TMEM230: variants seen among roughly 807,000 people sequenced by gnomAD.
TMEM230 encodes the protein transmembrane protein 230.
Under a neutral mutation model 15.8 loss-of-function variants are expected in TMEM230, and 10 were observed. The ratio of observed to expected loss-of-function variants is 0.63; its 90% confidence interval spans 0.39 to 1.07. The LOEUF is 1.07. Among genes scored for constraint, TMEM230 ranks in the 50% least tolerant of loss-of-function variants. TMEM230 has a pLI of 0.01. For synonymous variants in TMEM230, 67 were observed against 76.9 expected (o/e 0.87, Z 0.68); for missense variants, 165 against 193.3 (o/e 0.85, Z 0.87).
downstream of TMEM230, among the ~76,000 whole-genome samples, chr20:5,099,102 G>C (rs1004394143): frequency 4.6e-5 from 7 of 152,058 alleles, no homozygotes; most frequent in Non-Finnish European, 8.8e-5. Flanking sequence ...AAGGTGGGAA[G>C]ATCACTTGAG....
intron 3 of TMEM230, among the ~76,000 whole-genome samples, chr20:5,088,094 A>G (rs2089402978): frequency 6.7e-6 from 1 of 149,690 alleles, no homozygotes; most frequent in Admixed American, 6.6e-5. Context: ...GGATTGCCTG[A>G]GGTCAGGAGT....
At chr20:5,089,599 G>A (rs2089449556) in intron 3 of TMEM230, among the ~76,000 whole-genome samples, 1 of 151,866 alleles carries the variant, frequency 6.6e-6, no homozygotes, top group Non-Finnish European at 1.5e-5. Flanking sequence ...TACTTGGGAG[G>A]CTTAGGCAGG....
chr20:5,083,936 TACTG>T (rs777265057), intron 3 of TMEM230, among the ~76,000 whole-genome samples: 13 of 152,194 alleles, frequency 8.5e-5, no homozygotes, highest in Admixed American at 2.6e-4. Context: ...GGGTTTGGTA[TACTG>T]ACTATTTCGT....
the TMEM230 span, among the ~76,000 whole-genome samples, chr20:5,059,609 C>T: frequency 6.6e-6 from 1 of 150,764 alleles, no homozygotes; most frequent in Non-Finnish European, 1.5e-5. Context: ...TTATCCTTGC[C>T]TTTATTTTAT....
At chr20:5,095,439 G>C (rs988138397), downstream of TMEM230, among the ~76,000 whole-genome samples, 1 of 152,244 alleles carries the variant, frequency 6.6e-6, no homozygotes, top group South Asian at 2.1e-4. Flanking sequence ...CTCCTGTCTC[G>C]ATTTCTCACT....
chr20:5,100,630 G>C lies in TMEM230; in HGVS notation c.*161C>G. On this transcript the variant is annotated 3_prime_UTR_variant, in exon 5 of 5. Coordinates refer to ENST00000342308, the MANE Select transcript of TMEM230 (RefSeq NM_001009923.2). ...AGCTTGTCCTAATTAGCTAACTGTA[G>C]GTTCACTTAACATCTTTGGGAAGGA... 2 of 1,430,724 alleles carry C rather than the reference G, an allele frequency of 1.4e-6. No individual in the cohort carries two copies. Among genetic ancestry groups the C allele is most frequent in the African/African-American group, 1.4e-5 (1 of 70,052 alleles). The allele number at this position is 1,430,724 out of a possible 1,614,324, so 88.6% of individuals were successfully genotyped here.
chr20:5,073,230 C>T (rs1419901292), intron 3 of TMEM230, among the ~76,000 whole-genome samples: 1 of 152,178 alleles, frequency 6.6e-6, no homozygotes, highest in African/African-American at 2.4e-5. Context: ...AGCGCTTACA[C>T]AACAGCTCCA....
chr20:5,065,986 G>T (rs908763032), downstream of TMEM230: 1 of 152,450 alleles, frequency 6.6e-6, no homozygotes, highest in South Asian at 2.1e-4. Flanking sequence ...GGCGAAGGAG[G>T]CCACAAGTTC....
chr20:5,113,054 A>C lies in TMEM230; in HGVS notation c.-26T>G. 1 of 1,542,594 alleles carries C rather than the reference A, an allele frequency of 6.5e-7. No homozygotes were observed. The highest frequency in any genetic ancestry group is 8.7e-7 in the Non-Finnish European group (1 of 1,146,224). On this transcript the variant is annotated 5_prime_UTR_variant, in exon 1 of 5. Transcript: ENST00000342308. Reference sequence around the variant, plus strand: ...GGCATGGCCCGCTTAAGTGCCACTCAGCCGGCCCCAGGCGGGATCAGTGCG... The same window carrying C: ...GGCATGGCCCGCTTAAGTGCCACTCCGCCGGCCCCAGGCGGGATCAGTGCG...
chr20:5,084,344 C>A (rs1427414269), intron 3 of TMEM230, among the ~76,000 whole-genome samples: 1 of 150,920 alleles, frequency 6.6e-6, no homozygotes, highest in African/African-American at 2.4e-5. Context: ...CTGCCTCAGC[C>A]CCCTGAGTAA....
the TMEM230 span, among the ~76,000 whole-genome samples, chr20:5,059,768 T>C: frequency 1.0e-4 from 2 of 19,350 alleles, no homozygotes; most frequent in African/African-American, 4.6e-4. Flanking sequence ...AGCTAATTTT[T>C]TTTTTTTTTT....
rs1195408458 is a variant in TMEM230 at position 5,085,251 on chromosome 20, A to AT, written c.223-15903dup. Among the ~76,000 whole-genome samples the AT allele has an allele frequency of 6.3e-3, 849 of 134,428 alleles. 3 individuals carry two copies. Among genetic ancestry groups the AT allele is most frequent in the South Asian group, 0.014 (57 of 4,088 alleles). 88.2% of individuals were successfully genotyped at this position (134,428 alleles called of 152,430 possible). A position where few individuals can be genotyped will look rare whatever the true frequency, so the allele number is the denominator to read the frequency against. ...AACTCTCCTCCAATTCTCCTGTTCC[A>AT]TTTTTTTTTTCATGCTCCTGAATCT... On this transcript the variant is annotated intron_variant, in intron 3 of 3. Coordinates refer to the TMEM230 transcript ENST00000612323.
downstream of TMEM230, among the ~76,000 whole-genome samples, chr20:5,067,784 G>GTTTTTTCTT: frequency 7.7e-6 from 1 of 129,268 alleles, no homozygotes; most frequent in Non-Finnish European, 1.6e-5. Context: ...TTTTAAGACA[G>GTTTTTTCTT]AGTCTCACTC....
intron 3 of TMEM230, among the ~76,000 whole-genome samples, chr20:5,091,715 G>A (rs910199084): frequency 2.6e-5 from 3 of 114,960 alleles, no homozygotes; most frequent in African/African-American, 3.2e-5. Flanking sequence ...CATGGTGGAC[G>A]ATTCCTTTTT....
At chr20:5,059,926 C>A in the TMEM230 span, among the ~76,000 whole-genome samples, 2 of 150,006 alleles carry the variant, frequency 1.3e-5, no homozygotes, top group African/African-American at 4.9e-5. Flanking sequence ...CAACCACTAC[C>A]ATGCCTGGCT....
At chr20:5,111,680 T>C in intron 1 of TMEM230, 1 of 231,834 alleles carries the variant, frequency 4.3e-6, no homozygotes, top group Non-Finnish European at 5.6e-6. Flanking sequence ...AAGGGCAACA[T>C]AAAAAAAGGA....
chr20:5,063,927 G>A (rs2088629129), downstream of TMEM230, among the ~76,000 whole-genome samples: 1 of 152,086 alleles, frequency 6.6e-6, no homozygotes, highest in Admixed American at 6.6e-5. Flanking sequence ...TGTGGCCAAA[G>A]TGGTACTTAG....
chr20:5,103,082 C>T (rs1373502063), intron 4 of TMEM230, among the ~76,000 whole-genome samples: 1 of 152,092 alleles, frequency 6.6e-6, no homozygotes, highest in African/African-American at 2.4e-5. Flanking sequence ...ATTCTACATC[C>T]ACCGGGTGTG....
chr20:5,064,091 AC>A (rs1281554867), downstream of TMEM230, among the ~76,000 whole-genome samples: 1 of 151,770 alleles, frequency 6.6e-6, no homozygotes, highest in Non-Finnish European at 1.5e-5. Flanking sequence ...ATATGGTGAA[AC>A]CCTGTCTCTA....
Sources: allele counts gnomAD v4.1 joint callset (sites outside exome capture counted in the v4.1 genomes callset), GRCh38; gene constraint gnomAD v4.1.1; transcripts MANE v1.5; gene names NCBI Gene and HGNC (gene_info 2026-07-23, HGNC 2026-07-21).